HIVEP3: variants seen among roughly 807,000 people sequenced by gnomAD.
The protein encoded by HIVEP3 is HIVEP zinc finger 3.
Under a neutral mutation model 152.8 loss-of-function variants are expected in HIVEP3, and 49 were observed. The ratio of observed to expected loss-of-function variants is 0.32; its 90% CI spans 0.26 to 0.41. The LOEUF (loss-of-function observed/expected upper bound fraction) is 0.41. Ranked by LOEUF, HIVEP3 falls within the 10% of genes least tolerant of loss-of-function variation. HIVEP3 has a pLI of 1.00. For synonymous variants in HIVEP3, 1,269 were observed against 1,289.0 expected (o/e 0.98, Z 0.33); for missense variants, 2,790 against 3,103.3 (o/e 0.90, Z 2.40).
intron 5 of HIVEP3, among the ~76,000 whole-genome samples, chr1:41,563,509 G>C (rs1204748145): frequency 1.3e-5 from 2 of 152,058 alleles, no homozygotes; most frequent in Non-Finnish European, 2.9e-5. Flanking sequence ...GAGGGAGACT[G>C]AGTCTTCATA....
rs546593180 is a variant in HIVEP3, at chr1:41,751,009, G to A, written c.-800-50014C>T. On this transcript the variant is annotated intron_variant, in intron 1 of 8. Coordinates refer to ENST00000372583, the MANE Select transcript of HIVEP3 (RefSeq NM_024503.5). ...GATTACAGGTGTGAGACACCGCACC[G>A]CACCCGGCCCCCAGTGCACCCTTGG... Among the ~76,000 whole-genome samples the A allele has an allele frequency of 3.8e-4, 57 of 151,812 alleles. 1 individual carries two copies. The highest frequency in any genetic ancestry group is 3.5e-3 in the Admixed American group (53 of 15,264).
intron 1 of HIVEP3, among the ~76,000 whole-genome samples, chr1:41,769,162 A>C (rs192765854): frequency 1.6e-4 from 25 of 152,330 alleles, no homozygotes; most frequent in Non-Finnish European, 2.9e-4. Flanking sequence ...ACTTTCAGGT[A>C]CCTTGGACAC....
intron 1 of HIVEP3, among the ~76,000 whole-genome samples, chr1:41,830,999 T>C (rs967679850): frequency 2.6e-5 from 4 of 152,244 alleles, no homozygotes; most frequent in Admixed American, 2.6e-4. Context: ...ATTGCTAGCA[T>C]ATTTCCCCAT....
chr1:42,028,676 C>T (rs1242303143), intron 1 of HIVEP3, among the ~76,000 whole-genome samples: 3 of 152,122 alleles, frequency 2.0e-5, no homozygotes, highest in African/African-American at 7.2e-5. Context: ...AGTTACCCTC[C>T]CCAGGCTTCT....
chr1:41,826,803 G>A (rs1287681754), intron 1 of HIVEP3, among the ~76,000 whole-genome samples: 1 of 152,188 alleles, frequency 6.6e-6, no homozygotes, highest in Admixed American at 6.5e-5. Context: ...AGGGAGAAAT[G>A]TTACTGACTT....
chr1:42,033,035 G>A (rs187908079), intron 1 of HIVEP3, among the ~76,000 whole-genome samples: 1 of 152,192 alleles, frequency 6.6e-6, no homozygotes, highest in Admixed American at 6.5e-5. Flanking sequence ...GGAGCAGAAC[G>A]AGCACTGAGT....
At chr1:41,543,719 C>T (rs928614370) in intron 5 of HIVEP3, 1 of 152,392 alleles carries the variant, frequency 6.6e-6, no homozygotes, top group Non-Finnish European at 1.5e-5. Flanking sequence ...TGACCACAAC[C>T]CAGATGCTGG....
intron 1 of HIVEP3, among the ~76,000 whole-genome samples, chr1:41,839,249 C>A (rs1221470201): frequency 6.6e-6 from 1 of 152,196 alleles, no homozygotes; most frequent in South Asian, 2.1e-4. Context: ...CCATCCAAAG[C>A]AGCACCCACC....
chr1:41,620,402 T>A (rs1645029891), intron 3 of HIVEP3, among the ~76,000 whole-genome samples: 1 of 152,340 alleles, frequency 6.6e-6, no homozygotes, highest in South Asian at 2.1e-4. Flanking sequence ...CCTAGGTGAT[T>A]TGGCTGTTCA....
chr1:41,529,280 C>G (rs554166590), intron 5 of HIVEP3, among the ~76,000 whole-genome samples: 1 of 144,408 alleles, frequency 6.9e-6, no homozygotes, highest in Admixed American at 6.8e-5. Flanking sequence ...ATGCTCACAC[C>G]CCCCACTGAC....
intron 5 of HIVEP3, among the ~76,000 whole-genome samples, chr1:41,527,220 A>ACCTTCACATGCCACACCCCTG (rs774374739): frequency 1.3e-5 from 1 of 78,274 alleles, no homozygotes. Flanking sequence ...TCACCCTCAC[A>ACCTTCACATGCCACACCCCTG]CACTCACCCT....
At chr1:41,911,778 C>T (rs1644799769) in intron 1 of HIVEP3, among the ~76,000 whole-genome samples, 1 of 152,112 alleles carries the variant, frequency 6.6e-6, no homozygotes, top group Admixed American at 6.5e-5. Flanking sequence ...ATTTAACAAC[C>T]AGTTGGTACA....
At chr1:41,534,202 C>T (rs594656) in intron 5 of HIVEP3, among the ~76,000 whole-genome samples, 42,231 of 152,156 alleles carry the variant, frequency 0.28, 7,223 homozygotes, top group Non-Finnish European at 0.39. Context: ...AGGCTTACCA[C>T]TCCTTCCAGC....
chr1:41,655,303 CCG>C (rs1209332270), intron 2 of HIVEP3, among the ~76,000 whole-genome samples: 5 of 152,050 alleles, frequency 3.3e-5, no homozygotes, highest in Non-Finnish European at 5.9e-5. Context: ...GCCTCTGAGG[CCG>C]CGCGCGGTGG....
intron 1 of HIVEP3, among the ~76,000 whole-genome samples, chr1:41,799,404 C>T (rs376857581): frequency 3.3e-5 from 5 of 152,208 alleles, no homozygotes; most frequent in Non-Finnish European, 5.9e-5. Context: ...TGCTATTCCA[C>T]CAGCCTAGAA....
chr1:41,908,199 C>T (rs989437119), intron 1 of HIVEP3, among the ~76,000 whole-genome samples: 4 of 152,100 alleles, frequency 2.6e-5, no homozygotes, highest in South Asian at 2.1e-4. Context: ...AAAGCTGTAT[C>T]GGGAGAAATA....
At chr1:41,980,165 G>A (rs934391128) in intron 1 of HIVEP3, among the ~76,000 whole-genome samples, 14 of 152,182 alleles carry the variant, frequency 9.2e-5, no homozygotes, top group African/African-American at 2.7e-4. Context: ...TTCTTAAAAC[G>A]TTAAACATAA....
rs1472513930 is a variant in HIVEP3, at chr1:41,585,205, G to T, written c.-408C>A. The T allele has an allele frequency of 2.5e-5, 10 of 397,480 alleles. No homozygotes were observed. Among genetic ancestry groups the T allele is most frequent in the Non-Finnish European group, 4.0e-5 (9 of 226,180 alleles). 24.6% of individuals were successfully genotyped at this position (397,480 alleles called of 1,614,324 possible). Reference sequence around the variant, plus strand: ...TGGAGACATCTGTGTCCATGGCCCAGTCATCCCTGGTCCTGGCACAAGAGA... The same window carrying T: ...TGGAGACATCTGTGTCCATGGCCCATTCATCCCTGGTCCTGGCACAAGAGA... On this transcript the variant is annotated 5_prime_UTR_variant, in exon 4 of 9. It adds an upstream start codon to the 5' untranslated region. Coordinates refer to ENST00000372583, the MANE Select transcript of HIVEP3 (RefSeq NM_024503.5).
intron 1 of HIVEP3, among the ~76,000 whole-genome samples, chr1:41,763,778 C>G (rs182656176): frequency 1.4e-3 from 208 of 152,170 alleles, no homozygotes; most frequent in Non-Finnish European, 2.3e-3. Context: ...CACAGAATGA[C>G]GATAACTACA....
Sources: allele counts gnomAD v4.1 joint callset (sites outside exome capture counted in the v4.1 genomes callset), GRCh38; gene constraint gnomAD v4.1.1; transcripts MANE v1.5; gene names NCBI Gene and HGNC (gene_info 2026-07-23, HGNC 2026-07-21).